PTDSS1: variants seen among roughly 807,000 people sequenced by gnomAD.
PTDSS1 encodes the protein phosphatidylserine synthase 1, also known as PSS-1.
PTDSS1 carries 45 observed loss-of-function variants against 70.5 expected under a neutral mutation model. The observed-to-expected ratio is 0.64, with a 90% CI of 0.50 to 0.82. The LOEUF is 0.82. Ranked by LOEUF, PTDSS1 falls within the 40% of genes least tolerant of loss-of-function variation. The probability of loss-of-function intolerance (pLI) is 0.00; values close to 1 mark genes in which losing one functional copy is unlikely to be tolerated. For missense variants in PTDSS1, 417 were observed against 586.1 expected, an observed-to-expected ratio of 0.71 and a Z score of 2.98; for synonymous variants, 188 against 203.8, an observed-to-expected ratio of 0.92 and a Z score of 0.66.
chr8:96,316,213 T>G (rs1012807906), intron 9 of PTDSS1, among the ~76,000 whole-genome samples: 3 of 152,268 alleles, frequency 2.0e-5, no homozygotes, highest in African/African-American at 7.2e-5. Flanking sequence ...TACAGTAGCC[T>G]CCCTGCTTCT....
At chr8:96,313,382 G>A (rs772511173) in intron 9 of PTDSS1, among the ~76,000 whole-genome samples, 1 of 152,214 alleles carries the variant, frequency 6.6e-6, no homozygotes, top group Non-Finnish European at 1.5e-5. Context: ...GTCACATGAT[G>A]TTCCTTCAGC....
At chr8:96,303,980 T>G in intron 6 of PTDSS1, 60 bp from the exon 7 acceptor site, 1 of 1,513,016 alleles carries the variant, frequency 6.6e-7, no homozygotes, top group African/African-American at 1.4e-5. Flanking sequence ...TTTTTTCTTG[T>G]GCTTTGTTTT....
intron 6 of PTDSS1, 131 bp from the exon 7 acceptor site, chr8:96,303,909 C>A: frequency 9.8e-7 from 1 of 1,024,890 alleles, no homozygotes. Context: ...AGACACAATT[C>A]AAATAAAAAG....
chr8:96,302,225 T>C (rs1811060311), intron 6 of PTDSS1, among the ~76,000 whole-genome samples: 1 of 151,892 alleles, frequency 6.6e-6, no homozygotes, highest in South Asian at 2.1e-4. Context: ...AGAGACAGGG[T>C]TTCTCCATGT....
chr8:96,278,037 G>T (rs914033821), intron 2 of PTDSS1, among the ~76,000 whole-genome samples: 1 of 152,212 alleles, frequency 6.6e-6, no homozygotes, highest in Non-Finnish European at 1.5e-5. Flanking sequence ...CTGTTCTGCC[G>T]TCTTCTAGGC....
Position 96,331,010 on chromosome 8 carries a change from C to G in PTDSS1, c.1243-16C>G, listed in dbSNP as rs753284886. The G allele has an allele frequency of 1.9e-5, 31 of 1,607,148 alleles. No individual in the cohort carries two copies. The highest frequency in any genetic ancestry group is 2.7e-5 in the African/African-American group (2 of 74,742). ...AGTTCCTAAAATTCCTGCACTAAGC[C>G]TGTCTCTCTCCCTAGACCTACTCGG... On this transcript the variant is annotated splice_polypyrimidine_tract_variant and intron_variant, in intron 11 of 12. Coordinates refer to ENST00000517309, the MANE Select transcript of PTDSS1 (RefSeq NM_014754.3).
intron 1 of PTDSS1, among the ~76,000 whole-genome samples, chr8:96,268,842 G>A (rs1473147869): frequency 1.3e-5 from 2 of 152,116 alleles, no homozygotes; most frequent in African/African-American, 4.8e-5. Flanking sequence ...GAGGGAAGTC[G>A]CTGCCAGTGG....
chr8:96,272,791 A>C (rs916961820), intron 1 of PTDSS1, among the ~76,000 whole-genome samples: 6 of 152,226 alleles, frequency 3.9e-5, no homozygotes, highest in Non-Finnish European at 8.8e-5. Context: ...TGTTGTCATC[A>C]TCATTCCCGA....
Position 96,335,832 on chromosome 8 carries a change from T to C in PTDSS1, c.*2266T>C, listed in dbSNP as rs1479725768. 6.6e-6 allele frequency: 1 copy of C among 152,192 alleles called. No individual in the cohort carries two copies. Among genetic ancestry groups the C allele is most frequent in the Non-Finnish European group, 1.5e-5 (1 of 68,030 alleles). 9.4% of individuals were successfully genotyped at this position (152,192 alleles called of 1,614,324 possible). ...CGTTTCTATGGAAATAAACCTCACA[T>C]TGATGGAAATAGAATGCGTGTTTCA... On this transcript the variant is annotated 3_prime_UTR_variant, in exon 13 of 13. Transcript: ENST00000517309.
chr8:96,297,998 G>C (rs1032191392), intron 5 of PTDSS1, among the ~76,000 whole-genome samples: 1 of 152,208 alleles, frequency 6.6e-6, no homozygotes, highest in Non-Finnish European at 1.5e-5. Context: ...TACCTTCCAG[G>C]AAAGTTCCTT....
chr8:96,287,892 C>T (rs1011789497), intron 4 of PTDSS1, among the ~76,000 whole-genome samples: 10 of 152,118 alleles, frequency 6.6e-5, no homozygotes, highest in African/African-American at 2.4e-4. Context: ...TTTTCCCACA[C>T]CAGCCAATTC....
At chr8:96,283,088 C>T (rs1293270343) in intron 2 of PTDSS1, among the ~76,000 whole-genome samples, 1 of 152,236 alleles carries the variant, frequency 6.6e-6, no homozygotes, top group Non-Finnish European at 1.5e-5. Context: ...CTGCCTACTG[C>T]CCCTACTGGC....
chr8:96,298,873 C>G (rs1811012088), intron 5 of PTDSS1, among the ~76,000 whole-genome samples: 1 of 151,912 alleles, frequency 6.6e-6, no homozygotes, highest in Non-Finnish European at 1.5e-5. Context: ...AACTCTGGCT[C>G]AACTGAAAAT....
chr8:96,310,431 G>A (rs977274488), intron 9 of PTDSS1, among the ~76,000 whole-genome samples: 5 of 151,582 alleles, frequency 3.3e-5, no homozygotes, highest in African/African-American at 7.3e-5. Context: ...CAAAGTGCTG[G>A]GATTACAGGC....
chr8:96,298,431 C>T (rs1019488428), intron 5 of PTDSS1, among the ~76,000 whole-genome samples: 5 of 152,128 alleles, frequency 3.3e-5, no homozygotes, highest in African/African-American at 4.8e-5. Flanking sequence ...TACATTGGGC[C>T]TTCACACTCA....
intron 1 of PTDSS1, among the ~76,000 whole-genome samples, chr8:96,272,567 TC>T (rs1325727716): frequency 6.6e-6 from 1 of 152,214 alleles, no homozygotes; most frequent in African/African-American, 2.4e-5. Context: ...GTCTTCAGTG[TC>T]TAGCAGACCT....
chr8:96,286,385 T>C (rs1216419381), intron 3 of PTDSS1, among the ~76,000 whole-genome samples: 1 of 152,150 alleles, frequency 6.6e-6, no homozygotes, highest in Admixed American at 6.5e-5. Flanking sequence ...TATGAGATGA[T>C]AGAACAATAA....
intron 9 of PTDSS1, among the ~76,000 whole-genome samples, chr8:96,315,071 A>C (rs1476738129): frequency 3.3e-5 from 5 of 152,180 alleles, no homozygotes; most frequent in Non-Finnish European, 7.3e-5. Context: ...TGACAGGAGC[A>C]CAATAGGAAT....
At chr8:96,288,774 C>A (rs1315886440) in intron 4 of PTDSS1, among the ~76,000 whole-genome samples, 1 of 151,728 alleles carries the variant, frequency 6.6e-6, no homozygotes, top group Non-Finnish European at 1.5e-5. Flanking sequence ...GGATTACAGG[C>A]ATGCACCATC....
Sources: allele counts gnomAD v4.1 joint callset (sites outside exome capture counted in the v4.1 genomes callset), GRCh38; gene constraint gnomAD v4.1.1; transcripts MANE v1.5; gene names NCBI Gene and HGNC (gene_info 2026-07-23, HGNC 2026-07-21).